Variants in PTPN3 observed in about 807,000 individuals in gnomAD.
PTPN3 encodes the protein tyrosine-protein phosphatase non-receptor type 3.
In PTPN3, 96 loss-of-function variants were observed where a neutral mutation model predicts 132.7. The ratio of observed to expected loss-of-function variants is 0.72; its 90% CI spans 0.61 to 0.86. PTPN3 has a LOEUF of 0.86. PTPN3 is among the 40% of genes least tolerant of loss of function. The pLI, the probability that PTPN3 is intolerant of heterozygous loss-of-function variation, is 0.00. For missense variants in PTPN3, 1,125 were observed against 1,159.6 expected, an observed-to-expected ratio of 0.97 and a Z score of 0.43; for synonymous variants, 398 against 429.0, an observed-to-expected ratio of 0.93 and a Z score of 0.89.
the PTPN3 span, among the ~76,000 whole-genome samples, chr9:109,505,753 C>CT: frequency 3.2e-3 from 466 of 143,474 alleles, 2 homozygotes; most frequent in Middle Eastern, 7.3e-3. Flanking sequence ...ACATCAACTT[C>CT]TTTTTTTTTT....
chr9:109,533,804 C>T, the PTPN3 span: 5 of 977,552 alleles, frequency 5.1e-6, no homozygotes, highest in Non-Finnish European at 7.9e-6. Context: ...TTGGGGAGCA[C>T]GCTCCCATCC....
At chr9:109,537,155 AAACAC>A in the PTPN3 span, among the ~76,000 whole-genome samples, 1 of 152,208 alleles carries the variant, frequency 6.6e-6, no homozygotes, top group Admixed American at 6.5e-5. Context: ...AAGCATTAAC[AAACAC>A]AAGTACACAT....
intron 6 of PTPN3, among the ~76,000 whole-genome samples, chr9:109,445,613 T>TA (rs1396812522): frequency 1.3e-5 from 2 of 151,940 alleles, no homozygotes; most frequent in African/African-American, 2.4e-5. Context: ...GAAAAAAAAG[T>TA]AAAAAAATTG....
intron 10 of PTPN3, among the ~76,000 whole-genome samples, chr9:109,431,600 A>C (rs985006432): frequency 8.5e-5 from 13 of 152,240 alleles, no homozygotes; most frequent in Admixed American, 4.6e-4. Flanking sequence ...AGATCCTGCT[A>C]TCTGTTACAC....
In PTPN3 at chr9:109,457,347, A is replaced by G. The variant is rs760432550; in HGVS notation, c.191T>C (p.Val64Ala). Residue 64 changes from valine to alanine, a missense_variant, in exon 3 of 26, where the codon GTG (valine) becomes GCG (alanine). Transcript: ENST00000374541. ...LLDMVHNHLG[V>A]TEKEYFGLQH... ...TAAACCAAAATATTCCTTTTCAGTCACACCCAGGTGGTTGTGCACCATATC... is the reference window on the plus strand; with the variant it reads ...TAAACCAAAATATTCCTTTTCAGTCGCACCCAGGTGGTTGTGCACCATATC... The G allele has an allele frequency of 1.5e-5, 25 of 1,614,106 alleles. No homozygotes were observed. Among genetic ancestry groups the G allele is most frequent in the Non-Finnish European group, 2.1e-5 (25 of 1,180,044 alleles).
chr9:109,532,085 A>G, the PTPN3 span, among the ~76,000 whole-genome samples: 1 of 152,232 alleles, frequency 6.6e-6, no homozygotes, highest in African/African-American at 2.4e-5. Context: ...AGAATTTTAG[A>G]AGGGATTTTG....
chr9:109,467,545 C>T (rs570744699), intron 1 of PTPN3, among the ~76,000 whole-genome samples: 3 of 152,250 alleles, frequency 2.0e-5, no homozygotes, highest in African/African-American at 7.2e-5. Flanking sequence ...CTAAGCCATG[C>T]ACTATGTGGA....
chr9:109,450,449 A>C, intron 5 of PTPN3: 1 of 983,550 alleles, frequency 1.0e-6, no homozygotes, highest in South Asian at 4.7e-5. Context: ...TCAGCTAATC[A>C]GTATGTCTTC....
At chr9:109,536,383 C>G in the PTPN3 span, among the ~76,000 whole-genome samples, 1 of 152,208 alleles carries the variant, frequency 6.6e-6, no homozygotes, top group Non-Finnish European at 1.5e-5. Flanking sequence ...GTTGCTGGGT[C>G]ACACAGTAAT....
At chr9:109,523,845 T>A in the PTPN3 span, among the ~76,000 whole-genome samples, 2 of 152,246 alleles carry the variant, frequency 1.3e-5, no homozygotes, top group Non-Finnish European at 2.9e-5. Context: ...TCCCAGTTGC[T>A]GAGCATGAAT....
chr9:109,436,376 T>G (rs976765185), intron 9 of PTPN3, among the ~76,000 whole-genome samples: 1 of 152,208 alleles, frequency 6.6e-6, no homozygotes, highest in Non-Finnish European at 1.5e-5. Context: ...CACTGGTGCA[T>G]AGAAATTGCT....
chr9:109,500,978 G>A (rs1332541619), upstream of PTPN3, among the ~76,000 whole-genome samples: 1 of 151,548 alleles, frequency 6.6e-6, no homozygotes, highest in East Asian at 1.9e-4. Context: ...GTATAAACAT[G>A]GTGTTGACAC....
chr9:109,396,950 A>C (rs2131671779), intron 19 of PTPN3, among the ~76,000 whole-genome samples: 1 of 152,324 alleles, frequency 6.6e-6, no homozygotes, highest in South Asian at 2.1e-4. Context: ...ACTGGCTCTA[A>C]CCAGCGGATG....
At chr9:109,517,703 T>G in the PTPN3 span, among the ~76,000 whole-genome samples, 1,760 of 152,318 alleles carry the variant, frequency 0.012, 30 homozygotes, top group Non-Finnish European at 0.014. Flanking sequence ...AAACCATAAT[T>G]TGGGGAAAGC....
intron 4 of PTPN3, 105 bp from the exon 5 acceptor site, chr9:109,454,679 T>C: frequency 1.2e-6 from 1 of 830,126 alleles, no homozygotes; most frequent in South Asian, 1.6e-5. Context: ...CAACCATAGC[T>C]TTTTCCATTA....
At chr9:109,383,323 T>G (rs1395613110) in intron 23 of PTPN3, 100 bp downstream of exon 23, 8 of 1,595,206 alleles carry the variant, frequency 5.0e-6, no homozygotes, top group Non-Finnish European at 6.8e-6. Context: ...GCTTGCCAGG[T>G]GCAAACAGAG....
intron 14 of PTPN3, among the ~76,000 whole-genome samples, chr9:109,412,323 T>G (rs1183832578): frequency 1.3e-5 from 2 of 152,016 alleles, no homozygotes; most frequent in Non-Finnish European, 2.9e-5. Flanking sequence ...TCTTCCTATC[T>G]TGGTCTCTTG....
chr9:109,383,668 G>T, intron 22 of PTPN3, 117 bp from the exon 23 acceptor site: 1 of 1,400,900 alleles, frequency 7.1e-7, no homozygotes, highest in African/African-American at 1.4e-5. Context: ...GAGCACTGAT[G>T]GGAGAAAACA....
intron 2 of PTPN3, among the ~76,000 whole-genome samples, chr9:109,460,827 C>T (rs1236860624): frequency 1.3e-5 from 2 of 152,182 alleles, no homozygotes; most frequent in East Asian, 1.9e-4. Context: ...GCTTCAAAAA[C>T]GCAGGGATTT....
Sources: gnomAD v4.1 joint callset for allele counts (sites outside exome capture counted in the v4.1 genomes callset) on GRCh38, gnomAD v4.1.1 for gene constraint, MANE v1.5 for transcripts, NCBI Gene and HGNC (gene_info 2026-07-23, HGNC 2026-07-21) for gene names.